SGMS1: variants seen among roughly 807,000 people sequenced by gnomAD.
The protein encoded by SGMS1 is phosphatidylcholine:ceramide cholinephosphotransferase 1.
A neutral mutation model predicts 46.2 loss-of-function variants in SGMS1; 13 were observed. The observed-to-expected ratio is 0.28, with a 90% CI of 0.18 to 0.45. The LOEUF (loss-of-function observed/expected upper bound fraction) is 0.45, where lower values mean the gene tolerates loss of function less well. Ranked by LOEUF, SGMS1 falls within the 20% of genes least tolerant of loss-of-function variation. The pLI, the probability that SGMS1 is intolerant of heterozygous loss-of-function variation, is 1.00. For synonymous variants in SGMS1, 203 were observed against 187.8 expected (o/e 1.08, Z -0.66); for missense variants, 324 against 519.9 (o/e 0.62, Z 3.66).
intron 3 of SGMS1, among the ~76,000 whole-genome samples, chr10:50,507,429 C>A (rs1837716604): frequency 6.6e-6 from 1 of 152,152 alleles, no homozygotes; most frequent in Non-Finnish European, 1.5e-5. Context: ...CTCAGGCCAG[C>A]CCAAGCTGAG....
intron 6 of SGMS1, among the ~76,000 whole-genome samples, chr10:50,407,751 G>C (rs1589427337): frequency 6.6e-6 from 1 of 151,292 alleles, no homozygotes; most frequent in African/African-American, 2.4e-5. Flanking sequence ...TGTACTTCTA[G>C]GATTCAAAGT....
chr10:50,442,903 G>C (rs1273632186), intron 5 of SGMS1, among the ~76,000 whole-genome samples: 2 of 152,080 alleles, frequency 1.3e-5, no homozygotes, highest in Non-Finnish European at 2.9e-5. Context: ...CTTTTGATGA[G>C]ACTACTTTTG....
intron 3 of SGMS1, among the ~76,000 whole-genome samples, chr10:50,500,918 G>T (rs1837656332): frequency 6.6e-6 from 1 of 152,144 alleles, no homozygotes; most frequent in Admixed American, 6.5e-5. Context: ...AGTAACTAAG[G>T]TATATGGGCA....
intron 2 of SGMS1, among the ~76,000 whole-genome samples, chr10:50,539,685 A>G (rs571616477): frequency 6.6e-5 from 10 of 152,346 alleles, no homozygotes; most frequent in African/African-American, 2.4e-4. Flanking sequence ...ATCCATGGGT[A>G]TGCTTTGTGA....
intron 4 of SGMS1, among the ~76,000 whole-genome samples, chr10:50,463,123 G>A (rs769142617): frequency 2.4e-4 from 37 of 152,044 alleles, no homozygotes; most frequent in Non-Finnish European, 1.6e-4. Flanking sequence ...CATTGGAGTT[G>A]GCAATGATTT....
intron 2 of SGMS1, among the ~76,000 whole-genome samples, chr10:50,531,763 C>T (rs1837955456): frequency 6.6e-6 from 1 of 152,166 alleles, no homozygotes; most frequent in African/African-American, 2.4e-5. Flanking sequence ...GGAAGGTATA[C>T]TACATATACC....
intron 6 of SGMS1, among the ~76,000 whole-genome samples, chr10:50,428,829 A>G (rs1402559110): frequency 3.9e-5 from 6 of 152,216 alleles, no homozygotes; most frequent in Admixed American, 1.3e-4. Flanking sequence ...GAGGCTCCCC[A>G]ATTTAGGAAA....
chr10:50,538,254 G>A (rs1331542976), intron 2 of SGMS1, among the ~76,000 whole-genome samples: 1 of 151,960 alleles, frequency 6.6e-6, no homozygotes, highest in African/African-American at 2.4e-5. Context: ...TCAGGAGATC[G>A]AGACCATCAT....
At chr10:50,610,357 G>A (rs555235819) in intron 1 of SGMS1, among the ~76,000 whole-genome samples, 55 of 152,142 alleles carry the variant, frequency 3.6e-4, no homozygotes, top group Non-Finnish European at 6.3e-4. Flanking sequence ...TACCTTCCTG[G>A]TGAATTTAAT....
chr10:50,572,917 T>A (rs144838647), intron 2 of SGMS1, among the ~76,000 whole-genome samples: 33 of 152,322 alleles, frequency 2.2e-4, no homozygotes, highest in African/African-American at 7.7e-4. Context: ...CTCTCAGAAC[T>A]TTCTGTCCCT....
At position 50,341,791 on chromosome 10, in the gene SGMS1, C is replaced by T. The variant is rs562084151; in HGVS notation, c.623+1701G>A. 5.2e-4 allele frequency among the ~76,000 whole-genome samples: 79 copies of T among 152,072 alleles called. 2 individuals are homozygous for T. Among genetic ancestry groups the T allele is most frequent in the South Asian group, 4.6e-3 (22 of 4,804 alleles). ...GTATTGTCAATAAGTACCAGGAAAACGCAAAATCATAAAGCTTAAAGAGAA... is the reference window on the plus strand; with the variant it reads ...GTATTGTCAATAAGTACCAGGAAAATGCAAAATCATAAAGCTTAAAGAGAA... On this transcript the variant is annotated intron_variant, in intron 7 of 10. Transcript: ENST00000361781.
chr10:50,520,921 C>G (rs933363966), intron 2 of SGMS1, among the ~76,000 whole-genome samples: 96 of 150,848 alleles, frequency 6.4e-4, no homozygotes, highest in African/African-American at 2.2e-3. Flanking sequence ...TTCTTTGAGA[C>G]AGAGTCTCAG....
intron 3 of SGMS1, among the ~76,000 whole-genome samples, chr10:50,483,997 A>C (rs192134396): frequency 1.3e-5 from 2 of 152,318 alleles, no homozygotes; most frequent in East Asian, 3.9e-4. Flanking sequence ...GAGAAGAAAG[A>C]GCAAACAAAC....
chr10:50,370,429 TA>T (rs199905025), intron 6 of SGMS1, among the ~76,000 whole-genome samples: 1 of 150,390 alleles, frequency 6.6e-6, no homozygotes. Context: ...TTTTTTTACT[TA>T]AAAAATTTTT....
chr10:50,344,146 C>G lies in SGMS1; in HGVS notation c.-32G>C. 2.6e-6 allele frequency: 4 copies of G among 1,562,816 alleles called. 1 individual carries two copies. The South Asian group carries it at 4.8e-5, about 19-fold the overall frequency. On this transcript the variant is annotated 5_prime_UTR_variant, in exon 7 of 11. Coordinates refer to ENST00000361781, the MANE Select transcript of SGMS1 (RefSeq NM_147156.4). ...GGCAGACAGCAGGCAGTCCCCAGCTCTCTCTTGGCAGGTCAGCAGTCACTG... is the reference window on the plus strand; with the variant it reads ...GGCAGACAGCAGGCAGTCCCCAGCTGTCTCTTGGCAGGTCAGCAGTCACTG...
At chr10:50,438,178 T>C (rs936837676) in intron 5 of SGMS1, among the ~76,000 whole-genome samples, 5 of 152,236 alleles carry the variant, frequency 3.3e-5, no homozygotes, top group African/African-American at 9.6e-5. Flanking sequence ...CCTTGATCTC[T>C]GTCTCTTCCT....
At chr10:50,404,714 C>T (rs1225546817) in intron 6 of SGMS1, among the ~76,000 whole-genome samples, 1 of 152,158 alleles carries the variant, frequency 6.6e-6, no homozygotes, top group East Asian at 1.9e-4. Flanking sequence ...ATTTACCCTA[C>T]AGGTATGTCA....
At chr10:50,515,689 G>A (rs944897925) in intron 3 of SGMS1, among the ~76,000 whole-genome samples, 1 of 152,094 alleles carries the variant, frequency 6.6e-6, no homozygotes, top group Admixed American at 6.5e-5. Context: ...CACCTCCCCA[G>A]CTCCCCAGGT....
intron 3 of SGMS1, among the ~76,000 whole-genome samples, chr10:50,477,776 ACTCT>A (rs1837440774): frequency 6.6e-6 from 1 of 151,440 alleles, no homozygotes; most frequent in Non-Finnish European, 1.5e-5. Context: ...ACCTCCTCCC[ACTCT>A]CTCTTTCCCT....
Sources: gnomAD v4.1 joint callset for allele counts (sites outside exome capture counted in the v4.1 genomes callset) on GRCh38, gnomAD v4.1.1 for gene constraint, MANE v1.5 for transcripts, NCBI Gene and HGNC (gene_info 2026-07-23, HGNC 2026-07-21) for gene names.